Variants in LZTR1 observed in about 807,000 individuals in gnomAD.
LZTR1 encodes the protein leucine-zipper-like transcriptional regulator 1.
LZTR1 carries 260 observed loss-of-function variants against 105.7 expected under a neutral mutation model. The observed-to-expected ratio is 2.46, with a 90% CI of 2.22 to 2.72. The LOEUF (loss-of-function observed/expected upper bound fraction) is 2.72, where lower values mean the gene tolerates loss of function less well. Among genes scored for constraint, LZTR1 ranks in the 30% most tolerant of loss-of-function variants. The pLI, the probability that LZTR1 is intolerant of heterozygous loss-of-function variation, is 0.00. For synonymous variants in LZTR1, 490 were observed against 476.4 expected, an observed-to-expected ratio of 1.03 and a Z score of -0.37; for missense variants, 1,214 against 1,166.9, an observed-to-expected ratio of 1.04 and a Z score of -0.59.
In LZTR1 at chr22:20,993,702, G is replaced by A. The variant is rs1410807728; in HGVS notation, c.1301G>A (p.Gly434Glu). Residue 434 changes from glycine to glutamate, a missense_variant, in exon 12 of 21, where the codon GGG (glycine) becomes GAG (glutamate). Physicochemically the swap from Gly to Glu is moderately conservative, Grantham distance 98. Coordinates refer to ENST00000646124, the MANE Select transcript of LZTR1 (RefSeq NM_006767.4). ...AAATGCACGCTGCACGAGGACTACG[G>A]GCGGCTGTGGGAGAGCCGCCAGTTC... ...YPKCTLHEDY[G>E]RLWESRQFCD... 1 of 1,613,524 alleles carries A rather than the reference G, an allele frequency of 6.2e-7. No homozygotes were observed. Among genetic ancestry groups the A allele is most frequent in the Non-Finnish European group, 8.5e-7 (1 of 1,179,952 alleles).
At position 20,992,824 on chromosome 22, in the gene LZTR1, G is replaced by C; in HGVS notation, c.1180G>C (p.Ala394Pro). ...LPSGRLFHAA[A>P]VISDAMYIFG... ...CAGTGGGAGGCTCTTCCACGCGGCT[G>C]CTGTCATCTCGGACGCCATGTACAT... Residue 394 changes from alanine (A) to proline (P), a missense_variant, in exon 11 of 21, where the codon GCT becomes CCT. Transcript: ENST00000646124. 6.2e-7 allele frequency: 1 copy of C among 1,607,300 alleles called. No individual in the cohort carries two copies. Among genetic ancestry groups the C allele is most frequent in the Non-Finnish European group, 8.5e-7 (1 of 1,176,934 alleles).
At chr22:20,986,168 A>G in intron 3 of LZTR1, 1 of 466,338 alleles carries the variant, frequency 2.1e-6, no homozygotes, top group Non-Finnish European at 3.9e-6. Context: ...GGCTGATGCT[A>G]GTATGGGTAC....
intron 4 of LZTR1, 70 bp downstream of exon 4, chr22:20,987,653 C>G: frequency 7.2e-7 from 1 of 1,390,452 alleles, no homozygotes; most frequent in Non-Finnish European, 1.0e-6. Flanking sequence ...CTTCTGCAGG[C>G]CTGGGGCATT....
chr22:20,988,788 G>C lies in LZTR1; in HGVS notation c.510-1G>C. ...CCCTCCCCTCTTCCCTCACACTCCA[G>C]GTTGCCAGTCGCTAGGTCAGCCCAT... On this transcript the variant is annotated splice_acceptor_variant, in intron 5 of 20. Transcript: ENST00000646124. LOFTEE classifies it high-confidence loss of function. 1 of 1,613,456 alleles carries C rather than the reference G, an allele frequency of 6.2e-7. No homozygotes were observed. The highest frequency in any genetic ancestry group is 2.2e-5 in the East Asian group (1 of 44,880).
In LZTR1 at chr22:20,983,035, A is replaced by AACAC. The variant is rs1454849667; in HGVS notation, c.209_210insACAC (p.Thr72AlafsTer7). 2.5e-6 allele frequency: 4 copies of AACAC among 1,614,126 alleles called. No homozygotes were observed. Among genetic ancestry groups the AACAC allele is most frequent in the Non-Finnish European group, 3.4e-6 (4 of 1,179,980 alleles). ...CACTCCTTTCTTTCCAGGCGCAGCA[A>AACAC]GCACACAGTGGTGGCCTATAAAGAT... On this transcript the variant is annotated frameshift_variant, in exon 2 of 21. Coordinates refer to ENST00000646124, the MANE Select transcript of LZTR1 (RefSeq NM_006767.4). LOFTEE classifies it high-confidence loss of function.
In LZTR1 at chr22:20,982,438, A is replaced by G. The variant is rs1178165010; in HGVS notation, c.67A>G (p.Lys23Glu). Residue 23 changes from lysine to glutamate, a missense_variant, in exon 1 of 21, where the codon AAG (lysine) becomes GAG (glutamate). Physicochemically the swap from Lys to Glu is moderately conservative, Grantham distance 56 (BLOSUM62 1). Coordinates refer to ENST00000646124, the MANE Select transcript of LZTR1 (RefSeq NM_006767.4). ...AAALAGGARS[K>E]VAPSVDFDHS... The stretch of plus-strand genomic sequence containing the variant: ...GGCCCTGGCAGGCGGCGCGCGGTCC[A>G]AGGTAGCCCCGAGCGTGGACTTCGA... 1 of 1,586,984 alleles carries G rather than the reference A, an allele frequency of 6.3e-7. No homozygotes were observed. Among genetic ancestry groups the G allele is most frequent in the Non-Finnish European group, 8.6e-7 (1 of 1,166,352 alleles).
At chr22:20,990,320 C>T in intron 7 of LZTR1, 66 bp from the exon 8 acceptor site, 1 of 1,578,996 alleles carries the variant, frequency 6.3e-7, no homozygotes, top group South Asian at 1.1e-5. Flanking sequence ...TCTCAGCAGT[C>T]TCGAGTGTGG....
At position 20,994,911 on chromosome 22, in the gene LZTR1, C is replaced by T; in HGVS notation, c.1827C>T (p.Asn609=). The stretch of plus-strand genomic sequence containing the variant: ...TCGTGGTAAAGGAGTCCCACTTCAA[C>T]CAGGTGATCATGATGAAGGAGTTCG... ...LNFVVKESHF[N]QVIMMKEFER... Residue 609 remains asparagine, a synonymous_variant, in exon 16 of 21, where the codon AAC becomes AAT. Transcript: ENST00000646124. 2 of 1,613,416 alleles carry T rather than the reference C, an allele frequency of 1.2e-6. No homozygotes were observed. Among genetic ancestry groups the T allele is most frequent in the East Asian group, 2.2e-5 (1 of 44,882 alleles).
chr22:20,994,464 C>T (rs1601721637), intron 14 of LZTR1, 94 bp from the exon 15 acceptor site: 3 of 1,400,850 alleles, frequency 2.1e-6, no homozygotes, highest in Middle Eastern at 2.4e-4. Context: ...TACCTAGTGG[C>T]CCCAGCCCAC....
chr22:20,993,681 G>T lies in LZTR1; in HGVS notation c.1280G>T (p.Cys427Phe), dbSNP rs752079496. The change falls in exon 12 of 21, where the codon TGC (cysteine) becomes TTC (phenylalanine). Residue 427 changes from cysteine (C) to phenylalanine (F), a missense_variant. Coordinates refer to ENST00000646124, the MANE Select transcript of LZTR1 (RefSeq NM_006767.4). ...TTGCAGTTCTCCTGTTACCCTAAAT[G>T]CACGCTGCACGAGGACTACGGGCGG... Reference protein sequence around the residue: ...YRFQFSCYPKCTLHEDYGRLW... With the variant: ...YRFQFSCYPKFTLHEDYGRLW... The T allele has an allele frequency of 1.2e-6, 2 of 1,613,484 alleles. No individual in the cohort carries two copies. The highest frequency in any genetic ancestry group is 1.7e-5 in the Admixed American group (1 of 60,014).
Position 20,996,766 on chromosome 22 carries a change from CTGGAGATGAACGTGACGGTGCAGAACG to C in LZTR1, c.2293_2319del (p.Glu765_Val773del). On this transcript the variant is annotated inframe_deletion, in exon 19 of 21. Coordinates refer to ENST00000646124, the MANE Select transcript of LZTR1 (RefSeq NM_006767.4). Reference sequence around the variant, plus strand: ...GCTGCAGGCGTACTGCAAGCAGAACCTGGAGATGAACGTGACGGTGCAGAACGTGCTGCAGGTAGCCCCCCAGCCCCG... The same window carrying C: ...GCTGCAGGCGTACTGCAAGCAGAACCTGCTGCAGGTAGCCCCCCAGCCCCG... The C allele has an allele frequency of 6.2e-7, 1 of 1,613,636 alleles. No homozygotes were observed. Among genetic ancestry groups the C allele is most frequent in the Non-Finnish European group, 8.5e-7 (1 of 1,180,016 alleles).
rs780267761 is a variant in LZTR1, at chr22:20,990,505, GT to G, written c.774del (p.Phe258LeufsTer93). 6.6e-5 allele frequency: 107 copies of G among 1,612,834 alleles called. No individual in the cohort carries two copies. Among genetic ancestry groups the G allele is most frequent in the Non-Finnish European group, 8.2e-5 (97 of 1,179,366 alleles). On this transcript the variant is annotated frameshift_variant, in exon 8 of 21. Transcript: ENST00000646124. LOFTEE classifies it high-confidence loss of function. Reference protein sequence around the residue: ...GAKITNNLFQFEFKDKTWTRI... With the variant: ...GAKITNNLFQXEFKDKTWTRI... ...CCAAAATAACCAACAACCTCTTCCA[GT>G]TTGAATTCAAGGACAAGACGTGAGT...
At position 20,982,418 on chromosome 22, in the gene LZTR1, T is replaced by A. The variant is rs578100969; in HGVS notation, c.47T>A (p.Leu16Gln). ...STGGQIGAAA[L>Q]AGGARSKVAP... is the part of the protein sequence containing the mutation. Reference sequence around the variant, plus strand: ...GGGGGGCAGATCGGGGCTGCGGCCCTGGCAGGCGGCGCGCGGTCCAAGGTA... The same window carrying A: ...GGGGGGCAGATCGGGGCTGCGGCCCAGGCAGGCGGCGCGCGGTCCAAGGTA... The change falls in exon 1 of 21, where the codon CTG becomes CAG. Residue 16 changes from leucine (L) to glutamine (Q), a missense_variant. By Grantham distance (113) the Leu-to-Gln change is moderately radical (BLOSUM62 -2). Transcript: ENST00000646124. 1.3e-6 allele frequency: 2 copies of A among 1,572,942 alleles called. No individual in the cohort carries two copies. The highest frequency in any genetic ancestry group is 1.7e-6 in the Non-Finnish European group (2 of 1,158,762).
rs766845746 is a variant in LZTR1, at chr22:20,995,426, G to C, written c.1943-320G>C. The C allele has an allele frequency of 4.8e-6, 3 of 626,312 alleles. No individual in the cohort carries two copies. Among genetic ancestry groups the C allele is most frequent in the Non-Finnish European group, 6.1e-6 (2 of 327,370 alleles). 38.8% of individuals were successfully genotyped at this position (626,312 alleles called of 1,614,324 possible). A position where few individuals can be genotyped will look rare whatever the true frequency, so the allele number is the denominator to read the frequency against. On this transcript the variant is annotated intron_variant, in intron 16 of 20. Coordinates refer to ENST00000646124, the MANE Select transcript of LZTR1 (RefSeq NM_006767.4). ...GTGCTGACCCCGGTTGCTGGCTCTT[G>C]GTGATGTCTGCAGGCACCAGAGGCC... is the stretch of plus-strand genomic sequence containing the variant.
Position 20,996,884 on chromosome 22 carries a change from A to G in LZTR1, c.2326-2A>G, listed in dbSNP as rs1475060729. On this transcript the variant is annotated splice_acceptor_variant, in intron 19 of 20. Coordinates refer to ENST00000646124, the MANE Select transcript of LZTR1 (RefSeq NM_006767.4). LOFTEE classifies it high-confidence loss of function. The stretch of plus-strand genomic sequence containing the variant: ...AGCGCCTCAAGGTCCCTGCCATTGC[A>G]GATCCTGGAGGCAGCTGACAAAACG... The G allele has an allele frequency of 5.6e-6, 9 of 1,612,026 alleles. No individual in the cohort carries two copies. Among genetic ancestry groups the G allele is most frequent in the Non-Finnish European group, 7.6e-6 (9 of 1,178,742 alleles).
In LZTR1 at chr22:20,982,361, G is replaced by A. The variant is rs370616172; in HGVS notation, c.-11G>A. On this transcript the variant is annotated 5_prime_UTR_variant, in exon 1 of 21. It adds an upstream start codon to the 5' untranslated region. Transcript: ENST00000646124. ...GGGCTTACAGCGCGGCCGATCCGGCGTGGACCCGGGATGGCTGGACCGGGC... is the reference window on the plus strand; with the variant it reads ...GGGCTTACAGCGCGGCCGATCCGGCATGGACCCGGGATGGCTGGACCGGGC... 2,072 of 1,546,152 alleles carry A rather than the reference G, an allele frequency of 1.3e-3. 2 individuals carry two copies. Among genetic ancestry groups the A allele is most frequent in the Non-Finnish European group, 1.7e-3 (1,938 of 1,144,182 alleles).
chr22:20,996,679 C>A lies in LZTR1; in HGVS notation c.2220-17C>A, dbSNP rs1249726034. The A allele has an allele frequency of 3.7e-6, 6 of 1,611,634 alleles. No individual in the cohort carries two copies. The stretch of plus-strand genomic sequence containing the variant: ...GCGGACCAGCTTCCTTTAGTCAGCT[C>A]CTTAACCAGGCCCCAGCTACTTGTT... On this transcript the variant is annotated splice_polypyrimidine_tract_variant and intron_variant, in intron 18 of 20. Transcript: ENST00000646124.
chr22:20,986,005 G>T, intron 3 of LZTR1, 108 bp downstream of exon 3: 1 of 1,205,062 alleles, frequency 8.3e-7, no homozygotes, highest in Non-Finnish European at 1.2e-6. Flanking sequence ...AAGCTAGAAA[G>T]AAGCTTCCAG....
intron 8 of LZTR1, 133 bp from the exon 9 acceptor site, chr22:20,991,495 C>A: frequency 1.4e-6 from 1 of 708,592 alleles, no homozygotes; most frequent in Non-Finnish European, 2.3e-6. Context: ...GTGTCTAGGC[C>A]CTCCCTCTGG....
Sources: gnomAD v4.1 joint callset for allele counts on GRCh38, gnomAD v4.1.1 for gene constraint, MANE v1.5 for transcripts, NCBI Gene and HGNC (gene_info 2026-07-23, HGNC 2026-07-21) for gene names.